SMAP1: variants seen among roughly 807,000 people sequenced by gnomAD.
The protein encoded by SMAP1 is small ArfGAP 1.
In SMAP1, 24 loss-of-function variants were observed where a neutral mutation model predicts 58.5. The observed-to-expected ratio is 0.41, with a 90% CI of 0.30 to 0.58. The LOEUF is 0.58. Ranked by LOEUF, SMAP1 falls within the 20% of genes least tolerant of loss-of-function variation. The probability of loss-of-function intolerance (pLI) is 0.29; values close to 1 mark genes in which losing one functional copy is unlikely to be tolerated. For missense variants in SMAP1, 563 were observed against 566.3 expected (o/e 0.99, Z 0.06); for synonymous variants, 216 against 196.6 (o/e 1.10, Z -0.82).
chr6:70,812,876 A>G (rs1208317326), intron 6 of SMAP1, among the ~76,000 whole-genome samples: 2 of 152,090 alleles, frequency 1.3e-5, no homozygotes, highest in Non-Finnish European at 2.9e-5. Flanking sequence ...TCGTGCCCCC[A>G]GTGTGTCTCT....
chr6:70,756,091 G>A (rs1766478687), intron 3 of SMAP1, among the ~76,000 whole-genome samples: 1 of 151,862 alleles, frequency 6.6e-6, no homozygotes, highest in Non-Finnish European at 1.5e-5. Flanking sequence ...TCATAATTCT[G>A]TAGGATTTTT....
chr6:70,687,636 G>A (rs1272271516), intron 1 of SMAP1, among the ~76,000 whole-genome samples: 1 of 152,098 alleles, frequency 6.6e-6, no homozygotes, highest in African/African-American at 2.4e-5. Flanking sequence ...AAACTATAAT[G>A]TGTGAATCAC....
At chr6:70,784,020 A>G (rs1174868917) in intron 4 of SMAP1, among the ~76,000 whole-genome samples, 2 of 152,230 alleles carry the variant, frequency 1.3e-5, no homozygotes, top group Non-Finnish European at 2.9e-5. Flanking sequence ...CAAGGTTGAA[A>G]TGCAGGAAAA....
intron 7 of SMAP1, among the ~76,000 whole-genome samples, chr6:70,838,217 T>C (rs1770674280): frequency 6.6e-6 from 1 of 152,192 alleles, no homozygotes; most frequent in South Asian, 2.1e-4. Flanking sequence ...GCATTTCTTT[T>C]CCAGTCTACA....
intron 4 of SMAP1, among the ~76,000 whole-genome samples, chr6:70,776,753 T>G (rs1269100758): frequency 6.6e-6 from 1 of 152,224 alleles, no homozygotes; most frequent in African/African-American, 2.4e-5. Context: ...TTTATCCTTC[T>G]GTGCCTGACT....
At chr6:70,710,458 C>T (rs1768006849) in intron 1 of SMAP1, among the ~76,000 whole-genome samples, 1 of 142,118 alleles carries the variant, frequency 7.0e-6, no homozygotes, top group Non-Finnish European at 1.5e-5. Flanking sequence ...CGTCACTGCA[C>T]ACTCCAGCCT....
chr6:70,813,683 A>C (rs1297281905), intron 6 of SMAP1, among the ~76,000 whole-genome samples: 1 of 152,088 alleles, frequency 6.6e-6, no homozygotes, highest in East Asian at 1.9e-4. Context: ...TAGATGTGTT[A>C]ATATATGCTT....
intron 6 of SMAP1, among the ~76,000 whole-genome samples, chr6:70,810,099 G>A (rs1160773069): frequency 6.6e-6 from 1 of 152,142 alleles, no homozygotes; most frequent in Non-Finnish European, 1.5e-5. Flanking sequence ...GTCTTGTTTG[G>A]TAAATGTATA....
At chr6:70,678,818 C>T (rs1040043283) in intron 1 of SMAP1, among the ~76,000 whole-genome samples, 1 of 152,112 alleles carries the variant, frequency 6.6e-6, no homozygotes, top group Non-Finnish European at 1.5e-5. Flanking sequence ...CCTCCTTGCC[C>T]TCCACTTCCA....
chr6:70,818,440 T>G (rs919325039), intron 6 of SMAP1, among the ~76,000 whole-genome samples: 2 of 152,146 alleles, frequency 1.3e-5, no homozygotes, highest in African/African-American at 4.8e-5. Flanking sequence ...GTTTTCATAT[T>G]ATGCTATTTT....
intron 4 of SMAP1, among the ~76,000 whole-genome samples, chr6:70,781,469 G>T (rs962538014): frequency 6.6e-6 from 1 of 152,140 alleles, no homozygotes; most frequent in Non-Finnish European, 1.5e-5. Context: ...CTAGACTTCT[G>T]AAAAACTTGA....
rs551453852 is a variant in SMAP1 at position 70,860,912 on chromosome 6, C to T, written c.*578C>T. ...AAACGTGGATGTTACTCCAAAACTTCGTTTAATGAATGCTTAAAGAATTCA... is the reference window on the plus strand; with the variant it reads ...AAACGTGGATGTTACTCCAAAACTTTGTTTAATGAATGCTTAAAGAATTCA... On this transcript the variant is annotated 3_prime_UTR_variant, in exon 11 of 11. Transcript: ENST00000370455. The T allele has an allele frequency of 6.4e-4, 245 of 383,906 alleles. 1 individual carries two copies. Among genetic ancestry groups the T allele is most frequent in the African/African-American group, 3.7e-3 (178 of 48,402 alleles). The allele number at this position is 383,906 out of a possible 1,614,324, so 23.8% of individuals were successfully genotyped here.
chr6:70,788,605 A>G (rs1768191578), intron 4 of SMAP1, among the ~76,000 whole-genome samples: 1 of 152,206 alleles, frequency 6.6e-6, no homozygotes, highest in African/African-American at 2.4e-5. Context: ...AGTAGGAACT[A>G]ATAGAAGCAT....
In SMAP1 at chr6:70,861,551, G is replaced by T; in HGVS notation, c.*1217G>T. ...TGTCCATCAGATGACAAGAAAGGCT[G>T]CTGTACTGAAGTAAAACAAACAATA... On this transcript the variant is annotated 3_prime_UTR_variant, in exon 11 of 11. Transcript: ENST00000370455. 1 of 897,424 alleles carries T rather than the reference G, an allele frequency of 1.1e-6. No homozygotes were observed. Among genetic ancestry groups the T allele is most frequent in the Non-Finnish European group, 1.7e-6 (1 of 574,868 alleles). 55.6% of individuals were successfully genotyped at this position (897,424 alleles called of 1,614,324 possible).
chr6:70,826,381 A>G (rs1301638373), intron 6 of SMAP1, among the ~76,000 whole-genome samples: 2 of 152,098 alleles, frequency 1.3e-5, no homozygotes, highest in African/African-American at 2.4e-5. Context: ...ATTCTATGCA[A>G]AATTCAAAAG....
chr6:70,795,340 C>T (rs917896082), intron 5 of SMAP1, among the ~76,000 whole-genome samples: 1 of 152,206 alleles, frequency 6.6e-6, no homozygotes, highest in Non-Finnish European at 1.5e-5. Flanking sequence ...GCTGGCTACT[C>T]TAACACTATA....
At chr6:70,788,096 T>G (rs1768150193) in intron 4 of SMAP1, among the ~76,000 whole-genome samples, 1 of 151,928 alleles carries the variant, frequency 6.6e-6, no homozygotes, top group African/African-American at 2.4e-5. Context: ...GTGGCGCATA[T>G]ACACCATGGA....
intron 1 of SMAP1, among the ~76,000 whole-genome samples, chr6:70,697,388 C>T (rs1197926278): frequency 6.6e-6 from 1 of 151,952 alleles, no homozygotes; most frequent in Non-Finnish European, 1.5e-5. Flanking sequence ...TCACTGCAAC[C>T]TCCGCCTCCT....
intron 3 of SMAP1, among the ~76,000 whole-genome samples, chr6:70,768,482 G>A (rs1228202176): frequency 1.3e-5 from 2 of 152,092 alleles, no homozygotes; most frequent in East Asian, 3.9e-4. Flanking sequence ...GTCTTGGGAG[G>A]GTGTATGTGT....
Sources: gnomAD v4.1 joint callset for allele counts (sites outside exome capture counted in the v4.1 genomes callset) on GRCh38, gnomAD v4.1.1 for gene constraint, MANE v1.5 for transcripts, NCBI Gene and HGNC (gene_info 2026-07-23, HGNC 2026-07-21) for gene names.